ZPBP: variants seen among roughly 807,000 people sequenced by gnomAD.
ZPBP encodes zona pellucida-binding protein 1.
ZPBP carries 26 observed loss-of-function variants against 44.8 expected under a neutral mutation model. The observed-to-expected ratio is 0.58, with a 90% CI of 0.43 to 0.81. ZPBP has a LOEUF of 0.81. ZPBP is among the 30% of genes least tolerant of loss of function. ZPBP has a pLI of 0.00. For synonymous variants in ZPBP, 174 were observed against 153.2 expected, an observed-to-expected ratio of 1.14 and a Z score of -1.00; for missense variants, 409 against 434.0, an observed-to-expected ratio of 0.94 and a Z score of 0.51.
At chr7:49,948,416 T>A (rs1795195094) in intron 7 of ZPBP, among the ~76,000 whole-genome samples, 1 of 152,096 alleles carries the variant, frequency 6.6e-6, no homozygotes, top group Admixed American at 6.6e-5. Context: ...CAAAGGACAT[T>A]ATCAAATATA....
chr7:49,996,143 A>AAT (rs1207286978), intron 6 of ZPBP, among the ~76,000 whole-genome samples: 11 of 152,222 alleles, frequency 7.2e-5, no homozygotes, highest in Non-Finnish European at 1.5e-5. Context: ...TACAAATATT[A>AAT]TGCATTAAAG....
At chr7:49,901,074 CT>C (rs1415574741) in intron 2 of ZPBP, 1 of 151,876 alleles carries the variant, frequency 6.6e-6, no homozygotes, top group Non-Finnish European at 1.5e-5. Flanking sequence ...ACTTCATCAA[CT>C]TGATAAAGAC....
chr7:49,893,709 C>T (rs963543677), intron 2 of ZPBP, among the ~76,000 whole-genome samples: 3 of 150,656 alleles, frequency 2.0e-5, no homozygotes, highest in Non-Finnish European at 4.4e-5. Flanking sequence ...AAAGGGAAAT[C>T]GAAATACAAT....
downstream of ZPBP, among the ~76,000 whole-genome samples, chr7:49,935,206 T>C (rs1206943288): frequency 6.6e-6 from 1 of 152,162 alleles, no homozygotes; most frequent in Non-Finnish European, 1.5e-5. Flanking sequence ...TATAACTGTG[T>C]GCTACGAAGA....
intron 6 of ZPBP, among the ~76,000 whole-genome samples, chr7:50,012,499 T>C (rs1357251231): frequency 6.6e-6 from 1 of 151,878 alleles, no homozygotes; most frequent in Non-Finnish European, 1.5e-5. Context: ...AATAACATGA[T>C]ATATAACTTA....
intron 1 of ZPBP, among the ~76,000 whole-genome samples, chr7:49,927,688 C>T (rs1794292908): frequency 6.6e-6 from 1 of 152,160 alleles, no homozygotes; most frequent in Non-Finnish European, 1.5e-5. Flanking sequence ...ACCCAGCTGG[C>T]ACCATAAGCG....
chr7:50,024,927 A>G (rs927965525), intron 5 of ZPBP, among the ~76,000 whole-genome samples: 5 of 152,092 alleles, frequency 3.3e-5, no homozygotes, highest in African/African-American at 7.2e-5. Flanking sequence ...TTATTTTAAT[A>G]TATACATATA....
chr7:50,015,155 T>A (rs1392412441), intron 6 of ZPBP, among the ~76,000 whole-genome samples: 1 of 152,046 alleles, frequency 6.6e-6, no homozygotes. Flanking sequence ...AAGAAACTTC[T>A]GTGCTGAAGA....
At chr7:49,880,129 TA>T (rs1791604319) in intron 2 of ZPBP, among the ~76,000 whole-genome samples, 4 of 152,300 alleles carry the variant, frequency 2.6e-5, no homozygotes, top group African/African-American at 9.6e-5. Context: ...TTGTTTCATT[TA>T]AAAACTTTTT....
intron 1 of ZPBP, among the ~76,000 whole-genome samples, chr7:50,090,926 C>T (rs1802959542): frequency 6.6e-6 from 1 of 152,136 alleles, no homozygotes. Flanking sequence ...TACATTCCCA[C>T]CAGCAGTGTA....
At chr7:49,886,504 G>A (rs908630990) in intron 2 of ZPBP, among the ~76,000 whole-genome samples, 1 of 152,024 alleles carries the variant, frequency 6.6e-6, no homozygotes, top group Non-Finnish European at 1.5e-5. Context: ...GATTTAAAAT[G>A]TTATTTCTTC....
At chr7:49,840,751 C>T in the ZPBP span, among the ~76,000 whole-genome samples, 2 of 152,034 alleles carry the variant, frequency 1.3e-5, no homozygotes, top group African/African-American at 2.4e-5. Context: ...TTTGTGGATC[C>T]GGCATTCAAG....
intron 1 of ZPBP, among the ~76,000 whole-genome samples, chr7:49,929,240 T>A (rs1400871035): frequency 1.3e-5 from 2 of 152,182 alleles, no homozygotes; most frequent in Non-Finnish European, 2.9e-5. Flanking sequence ...CATGGAAGGA[T>A]ATGAACATGC....
chr7:50,000,744 A>C (rs1004284165), intron 6 of ZPBP, among the ~76,000 whole-genome samples: 1 of 152,274 alleles, frequency 6.6e-6, no homozygotes, highest in East Asian at 1.9e-4. Context: ...AAAAATAAAA[A>C]ACCTATAAAT....
rs1798302328 is a variant in ZPBP at position 50,006,159 on chromosome 7, C to T, written c.783+12081G>A. ...CCTAAAGATATGGAGCAAATATGGA[C>T]AGAATTGAAGAGAGAAATACACAAC... On this transcript the variant is annotated intron_variant, in intron 6 of 7. Transcript: ENST00000046087. Among the ~76,000 whole-genome samples the T allele has an allele frequency of 2.6e-5, 4 of 151,634 alleles. No individual in the cohort carries two copies. In the South Asian group the frequency reaches 8.3e-4, roughly 32 times the overall value.
At chr7:50,067,124 A>AT (rs929801248) in intron 3 of ZPBP, among the ~76,000 whole-genome samples, 1 of 151,828 alleles carries the variant, frequency 6.6e-6, no homozygotes, top group African/African-American at 2.4e-5. Flanking sequence ...ACTTACACGC[A>AT]TTTTTTTTCA....
intron 7 of ZPBP, among the ~76,000 whole-genome samples, chr7:49,946,811 C>T (rs181828915): frequency 6.6e-6 from 1 of 152,262 alleles, no homozygotes; most frequent in East Asian, 1.9e-4. Flanking sequence ...ACTCTCCCTT[C>T]TCCTTAAGGC....
At position 50,061,742 on chromosome 7, in the gene ZPBP, A is replaced by G. The variant is rs186086587; in HGVS notation, c.335-3601T>C. Among the ~76,000 whole-genome samples the G allele has an allele frequency of 1.7e-3, 264 of 152,280 alleles. 1 individual carries two copies. Among genetic ancestry groups the G allele is most frequent in the African/African-American group, 4.8e-3 (198 of 41,546 alleles). ...TTTCAATGAAATCACTTCTCTTCTA[A>G]TTACAAGCGGCCAGAAAGAGCTGAC... On this transcript the variant is annotated intron_variant, in intron 3 of 7. Coordinates refer to ENST00000046087, the MANE Select transcript of ZPBP (RefSeq NM_007009.3).
intron 4 of ZPBP, among the ~76,000 whole-genome samples, chr7:50,052,340 A>C (rs1800736770): frequency 6.6e-6 from 1 of 152,216 alleles, no homozygotes; most frequent in Non-Finnish European, 1.5e-5. Context: ...AAATAAACTC[A>C]TAAAATATAT....
Sources: gnomAD v4.1 joint callset for allele counts (sites outside exome capture counted in the v4.1 genomes callset) on GRCh38, gnomAD v4.1.1 for gene constraint, MANE v1.5 for transcripts, NCBI Gene and HGNC (gene_info 2026-07-23, HGNC 2026-07-21) for gene names.